Variants in RBM27 observed in about 807,000 individuals in gnomAD.
RBM27 encodes the protein RNA binding motif protein 27.
RBM27 carries 22 observed loss-of-function variants against 135.3 expected under a neutral mutation model. The observed-to-expected ratio is 0.16, with a 90% CI of 0.12 to 0.23. RBM27 has a LOEUF of 0.23. Among genes scored for constraint, RBM27 ranks in the 10% least tolerant of loss-of-function variants. RBM27 has a pLI of 1.00. For synonymous variants in RBM27, 481 were observed against 442.4 expected (o/e 1.09, Z -1.10); for missense variants, 1,009 against 1,281.0 (o/e 0.79, Z 3.24).
intron 2 of RBM27, among the ~76,000 whole-genome samples, 164 bp from the exon 3 acceptor site, chr5:146,223,239 A>G (rs1368620114): frequency 6.6e-6 from 1 of 152,186 alleles, no homozygotes; most frequent in African/African-American, 2.4e-5. Flanking sequence ...GGTCAGAAGG[A>G]TTTAAAAACC....
chr5:146,276,767 A>G (rs1759108634), intron 19 of RBM27, among the ~76,000 whole-genome samples: 2 of 152,196 alleles, frequency 1.3e-5, no homozygotes, highest in African/African-American at 4.8e-5. Context: ...TTAAAAAAGT[A>G]ATGTAGGCCT....
At position 146,244,965 on chromosome 5, in the gene RBM27, C is replaced by CT. The variant is rs560141283; in HGVS notation, c.1280-6745dup. Among the ~76,000 whole-genome samples the CT allele has an allele frequency of 1.6e-4, 24 of 152,038 alleles. No individual in the cohort carries two copies. The East Asian group carries it at 4.5e-3, about 28-fold the overall frequency. ...TCTAGCTCGCTGCAGCCTTGAACCA[C>CT]TGGGCTTAAGTGGTCACCCCACCAC... is the stretch of plus-strand genomic sequence containing the variant. On this transcript the variant is annotated intron_variant, in intron 8 of 20. Transcript: ENST00000265271.
chr5:146,245,740 T>C (rs948825361), intron 8 of RBM27, among the ~76,000 whole-genome samples: 2 of 152,116 alleles, frequency 1.3e-5, no homozygotes, highest in Non-Finnish European at 2.9e-5. Flanking sequence ...CATAGGAGAC[T>C]CAACGGTATT....
intron 8 of RBM27, among the ~76,000 whole-genome samples, chr5:146,251,364 T>G (rs532032444): frequency 4.6e-5 from 7 of 152,304 alleles, no homozygotes; most frequent in Admixed American, 4.6e-4. Flanking sequence ...ATAGAAAAAT[T>G]CTGTGTAATT....
intron 11 of RBM27, 33 bp from the exon 12 acceptor site, chr5:146,260,712 G>C (rs1758358839): frequency 6.4e-7 from 1 of 1,552,448 alleles, no homozygotes; most frequent in East Asian, 2.3e-5. Context: ...TGAAGTAGGA[G>C]AATTAACCAA....
At chr5:146,270,889 C>G in intron 17 of RBM27, 65 bp from the exon 18 acceptor site, 1 of 980,000 alleles carries the variant, frequency 1.0e-6, no homozygotes, top group Non-Finnish European at 1.6e-6. Flanking sequence ...GTGTAACTAT[C>G]ATGTTCTGGA....
intron 19 of RBM27, among the ~76,000 whole-genome samples, chr5:146,272,143 C>G (rs1049014602): frequency 6.6e-6 from 1 of 152,214 alleles, no homozygotes; most frequent in Non-Finnish European, 1.5e-5. Context: ...CTCTTTCCAG[C>G]CACTCATTCA....
chr5:146,248,056 T>C (rs982537516), intron 8 of RBM27, among the ~76,000 whole-genome samples: 4 of 152,150 alleles, frequency 2.6e-5, no homozygotes, highest in African/African-American at 9.7e-5. Context: ...TTTATCAATT[T>C]TAAGAATGAG....
chr5:146,222,241 C>T (rs1353957931), intron 2 of RBM27, among the ~76,000 whole-genome samples: 2 of 152,182 alleles, frequency 1.3e-5, no homozygotes, highest in African/African-American at 2.4e-5. Context: ...TAAGAAGATG[C>T]TTTTCTGTAG....
chr5:146,255,207 A>G (rs1758054955), intron 10 of RBM27, 115 bp downstream of exon 10: 3 of 879,164 alleles, frequency 3.4e-6, no homozygotes, highest in Admixed American at 3.3e-5. Flanking sequence ...TTACTTATAT[A>G]TTATCTCTTT....
intron 3 of RBM27, among the ~76,000 whole-genome samples, chr5:146,225,285 T>C (rs537215257): frequency 1.2e-4 from 19 of 152,234 alleles, no homozygotes; most frequent in Non-Finnish European, 2.4e-4. Context: ...TTTTATAGCA[T>C]GTTCTTTTCC....
chr5:146,226,189 A>G (rs575643552), intron 3 of RBM27, among the ~76,000 whole-genome samples: 1 of 152,064 alleles, frequency 6.6e-6, no homozygotes, highest in Non-Finnish European at 1.5e-5. Context: ...TTTCTTGAGT[A>G]CTTTCATAGA....
intron 19 of RBM27, among the ~76,000 whole-genome samples, chr5:146,279,794 C>T (rs1456645749): frequency 3.5e-5 from 4 of 114,312 alleles, no homozygotes; most frequent in African/African-American, 1.4e-4. Context: ...GGCAATAGAG[C>T]AAGACTCTGT....
chr5:146,217,182 G>T (rs972519815), intron 1 of RBM27, among the ~76,000 whole-genome samples: 1 of 151,906 alleles, frequency 6.6e-6, no homozygotes, highest in African/African-American at 2.4e-5. Flanking sequence ...GTCCAGGCTG[G>T]TCTTGAACTC....
chr5:146,253,790 G>A (rs942517560), intron 9 of RBM27, among the ~76,000 whole-genome samples: 3 of 152,102 alleles, frequency 2.0e-5, no homozygotes, highest in Admixed American at 6.6e-5. Context: ...GGGGTGAGAC[G>A]TTTTCTGGAT....
At chr5:146,265,033 G>A (rs1171996894) in intron 14 of RBM27, among the ~76,000 whole-genome samples, 1 of 152,092 alleles carries the variant, frequency 6.6e-6, no homozygotes, top group African/African-American at 2.4e-5. Context: ...AGGAAATTTG[G>A]CAGTACAGTA....
chr5:146,217,464 G>GTTTTTTTTTTTTT lies in RBM27; in HGVS notation c.60-1506_60-1494dup, dbSNP rs545963169. Among the ~76,000 whole-genome samples the GTTTTTTTTTTTTT allele has an allele frequency of 2.7e-4, 19 of 70,770 alleles. 2 individuals are homozygous for GTTTTTTTTTTTTT. The highest frequency in any genetic ancestry group is 1.0e-3 in the African/African-American group (17 of 16,494). 46.4% of individuals were successfully genotyped at this position (70,770 alleles called of 152,430 possible). On this transcript the variant is annotated intron_variant, in intron 1 of 20. Coordinates refer to ENST00000265271, the MANE Select transcript of RBM27 (RefSeq NM_018989.2). The stretch of plus-strand genomic sequence containing the variant: ...GATTGATACTCTTGAGCTGAAGCCT[G>GTTTTTTTTTTTTT]TTTTTTTTTTTTTTTTTTTTTTTTT...
intron 7 of RBM27, among the ~76,000 whole-genome samples, chr5:146,234,434 G>A (rs1757074849): frequency 6.6e-6 from 1 of 151,604 alleles, no homozygotes; most frequent in South Asian, 2.1e-4. Flanking sequence ...TTTTGCTGGA[G>A]TAAATTCTAA....
intron 1 of RBM27, among the ~76,000 whole-genome samples, chr5:146,214,958 T>A (rs1759505780): frequency 6.6e-6 from 1 of 152,228 alleles, no homozygotes; most frequent in South Asian, 2.1e-4. Flanking sequence ...TTTTTAGCAC[T>A]ATCATATCAA....
Sources: gnomAD v4.1 joint callset for allele counts (sites outside exome capture counted in the v4.1 genomes callset) on GRCh38, gnomAD v4.1.1 for gene constraint, MANE v1.5 for transcripts, NCBI Gene and HGNC (gene_info 2026-07-23, HGNC 2026-07-21) for gene names.